Variants in PPP1R12A observed in about 807,000 individuals in gnomAD.
PPP1R12A encodes myosin binding subunit.
Under a neutral mutation model 139.6 loss-of-function variants are expected in PPP1R12A, and 19 were observed. The ratio of observed to expected loss-of-function variants is 0.14; its 90% CI spans 0.09 to 0.20. The LOEUF is 0.20. PPP1R12A is among the 10% of genes least tolerant of loss of function. The pLI is 1.00. For synonymous variants in PPP1R12A, 427 were observed against 420.6 expected (o/e 1.02, Z -0.19); for missense variants, 925 against 1,211.5 (o/e 0.76, Z 3.51).
chr12:79,883,269 C>CATT (rs60044411), intron 1 of PPP1R12A, among the ~76,000 whole-genome samples: 15,551 of 152,034 alleles, frequency 0.1, 2,124 homozygotes, highest in African/African-American at 0.32. Context: ...TGTACTACAG[C>CATT]ATTATGATTT....
At chr12:79,821,533 G>A (rs1021712500) in intron 6 of PPP1R12A, among the ~76,000 whole-genome samples, 1 of 151,944 alleles carries the variant, frequency 6.6e-6, no homozygotes, top group Non-Finnish European at 1.5e-5. Context: ...CGGGAGGACT[G>A]CCTGAGCTCA....
chr12:79,925,314 T>G (rs1887755098), intron 1 of PPP1R12A, among the ~76,000 whole-genome samples: 1 of 152,044 alleles, frequency 6.6e-6, no homozygotes, highest in Non-Finnish European at 1.5e-5. Flanking sequence ...TCCCACATGG[T>G]TATTAATCTT....
At chr12:79,790,986 A>AT (rs1871774009) in intron 19 of PPP1R12A, among the ~76,000 whole-genome samples, 1 of 152,148 alleles carries the variant, frequency 6.6e-6, no homozygotes, top group Admixed American at 6.5e-5. Flanking sequence ...TTTAAAGTCT[A>AT]TTTTGGACTA....
chr12:79,889,232 T>C (rs1423174214), intron 1 of PPP1R12A, among the ~76,000 whole-genome samples: 1 of 152,176 alleles, frequency 6.6e-6, no homozygotes, highest in African/African-American at 2.4e-5. Context: ...ACTATGGCAA[T>C]TGTGACAGAA....
chr12:79,878,698 G>A (rs569966243), intron 1 of PPP1R12A, among the ~76,000 whole-genome samples: 5 of 151,986 alleles, frequency 3.3e-5, no homozygotes, highest in Admixed American at 6.6e-5. Context: ...GAGAAGCGCC[G>A]AGCAAAACAG....
At chr12:79,888,307 T>C (rs1190795279) in intron 1 of PPP1R12A, among the ~76,000 whole-genome samples, 1 of 152,114 alleles carries the variant, frequency 6.6e-6, no homozygotes, top group Admixed American at 6.6e-5. Flanking sequence ...GCCCAGAAAT[T>C]TCCTCTTTAA....
chr12:79,808,372 C>G (rs372387053), intron 11 of PPP1R12A, 111 bp downstream of exon 11: 2 of 729,842 alleles, frequency 2.7e-6, no homozygotes, highest in African/African-American at 3.5e-5. Context: ...TATCCTCCAT[C>G]TCTTCCCACA....
chr12:79,908,876 C>T (rs1200044623), intron 1 of PPP1R12A, among the ~76,000 whole-genome samples: 1 of 152,170 alleles, frequency 6.6e-6, no homozygotes, highest in Non-Finnish European at 1.5e-5. Flanking sequence ...AGCCCTGGAG[C>T]AACAGAACAC....
intron 3 of PPP1R12A, among the ~76,000 whole-genome samples, chr12:79,843,612 ATATAGATATAG>A (rs768203743): frequency 2.2e-4 from 4 of 18,240 alleles, no homozygotes; most frequent in African/African-American, 1.0e-3. Context: ...TCAAAAAAAA[ATATAGATATAG>A]ATATAGATAT....
intron 1 of PPP1R12A, among the ~76,000 whole-genome samples, chr12:79,890,375 C>T (rs1884475694): frequency 6.6e-6 from 1 of 152,088 alleles, no homozygotes; most frequent in Non-Finnish European, 1.5e-5. Flanking sequence ...CAGTAAGCAA[C>T]TAATTGAGTA....
At chr12:79,910,982 C>T (rs1886518858) in intron 1 of PPP1R12A, among the ~76,000 whole-genome samples, 1 of 152,150 alleles carries the variant, frequency 6.6e-6, no homozygotes, top group African/African-American at 2.4e-5. Flanking sequence ...AGAACACTTA[C>T]AGCATCAAAC....
rs181174612 is a variant in PPP1R12A at position 79,887,722 on chromosome 12, C to T, written c.238-14784G>A. The stretch of plus-strand genomic sequence containing the variant: ...AATACACTCAATAAATATACTAATG[C>T]GAAAATTTTAGTTTCAGGGAAACAA... On this transcript the variant is annotated intron_variant, in intron 1 of 24. Transcript: ENST00000450142. Among the ~76,000 whole-genome samples, 13 of 152,028 alleles carry T rather than the reference C, an allele frequency of 8.6e-5. No homozygotes were observed. The East Asian group carries it at 1.5e-3, about 18-fold the overall frequency.
chr12:79,853,998 T>C (rs1027669093), intron 2 of PPP1R12A, among the ~76,000 whole-genome samples: 7 of 152,208 alleles, frequency 4.6e-5, no homozygotes, highest in Admixed American at 3.3e-4. Context: ...TTCACTTCAG[T>C]TGAGTTATGT....
At chr12:79,777,601 G>T (rs1869891872) in intron 24 of PPP1R12A, 51 of 985,266 alleles carry the variant, frequency 5.2e-5, no homozygotes, top group Non-Finnish European at 6.0e-5. Flanking sequence ...TCAGTCAGCA[G>T]TCGCTCATTT....
At chr12:79,918,977 G>A (rs146581732) in intron 1 of PPP1R12A, among the ~76,000 whole-genome samples, 48 of 152,016 alleles carry the variant, frequency 3.2e-4, no homozygotes, top group African/African-American at 1.0e-3. Flanking sequence ...TTAGCTAGGC[G>A]TGGTGGCATG....
intron 1 of PPP1R12A, 116 bp downstream of exon 1, chr12:79,934,579 A>G: frequency 2.1e-6 from 2 of 975,560 alleles, no homozygotes; most frequent in Non-Finnish European, 2.9e-6. Context: ...CTCACCCCGC[A>G]GCAGGGAGTC....
rs767350946 is a variant in PPP1R12A at position 79,805,757 on chromosome 12, C to T, written c.1835G>A (p.Arg612His). 3.7e-6 allele frequency: 6 copies of T among 1,611,708 alleles called. No homozygotes were observed. The highest frequency in any genetic ancestry group is 2.2e-5 in the South Asian group (2 of 90,724). Residue 612 changes from arginine (R) to histidine (H), a missense_variant, in exon 14 of 25, where the codon CGT (arginine) becomes CAT (histidine). By Grantham distance (29) the Arg-to-His change is conservative (BLOSUM62 0). Coordinates refer to ENST00000450142, the MANE Select transcript of PPP1R12A (RefSeq NM_002480.3). ...CTCAGTACTATCCTCAGCCCACAAA[C>T]GATTTGAGGTACTATAGCATCATAA... is the stretch of plus-strand genomic sequence containing the variant. Reference protein sequence around the residue: ...SAGTQSSTSNRLWAEDSTEKE... With the variant: ...SAGTQSSTSNHLWAEDSTEKE...
intron 18 of PPP1R12A, among the ~76,000 whole-genome samples, chr12:79,794,136 T>TAA: frequency 6.6e-6 from 1 of 151,854 alleles, no homozygotes; most frequent in Non-Finnish European, 1.5e-5. Context: ...ATACTGGGGG[T>TAA]AGGGCTCATT....
At chr12:79,920,846 G>A (rs992152962) in intron 1 of PPP1R12A, among the ~76,000 whole-genome samples, 5 of 152,256 alleles carry the variant, frequency 3.3e-5, no homozygotes, top group Middle Eastern at 3.4e-3. Flanking sequence ...CTTCTTAGCC[G>A]CCATAGCTGT....
Sources: gnomAD v4.1 joint callset for allele counts (sites outside exome capture counted in the v4.1 genomes callset) on GRCh38, gnomAD v4.1.1 for gene constraint, MANE v1.5 for transcripts, NCBI Gene and HGNC (gene_info 2026-07-23, HGNC 2026-07-21) for gene names.